Variants in SLC25A48 observed in about 807,000 individuals in gnomAD.
The protein encoded by SLC25A48 is CTC-321K16.1.
SLC25A48 carries 29 observed loss-of-function variants against 32.2 expected under a neutral mutation model. That is an observed-to-expected ratio of 0.90 (90% confidence interval 0.67 to 1.23). The LOEUF is 1.23. Among genes scored for constraint, SLC25A48 ranks in the 50% most tolerant of loss-of-function variants. The probability of loss-of-function intolerance (pLI) is 0.00; values close to 1 mark genes in which losing one functional copy is unlikely to be tolerated. For synonymous variants in SLC25A48, 164 were observed against 172.3 expected (o/e 0.95, Z 0.38); for missense variants, 399 against 422.7 (o/e 0.94, Z 0.49).
chr5:135,735,023 G>A (rs947330514), intron 3 of SLC25A48, among the ~76,000 whole-genome samples: 4 of 152,160 alleles, frequency 2.6e-5, no homozygotes, highest in Non-Finnish European at 5.9e-5. Flanking sequence ...GTGGCTGCCA[G>A]GCGAGTTAGA....
rs539883391 is a variant in SLC25A48, at chr5:135,748,809, C to G, written c.-520-63714C>G. Among the ~76,000 whole-genome samples, 264 of 151,858 alleles carry G rather than the reference C, an allele frequency of 1.7e-3. 1 individual carries two copies. Among genetic ancestry groups the G allele is most frequent in the African/African-American group, 6.2e-3 (255 of 41,324 alleles). On this transcript the variant is annotated intron_variant, in intron 3 of 10. Coordinates refer to the SLC25A48 transcript ENST00000646290. ...TACTGGCTCACTGCAACCTCCGCCT[C>G]CCAGGTTCAAGCGATTCCCCTGCCT...
chr5:135,817,983 G>C (rs539562718), intron 4 of SLC25A48, among the ~76,000 whole-genome samples: 22 of 151,898 alleles, frequency 1.4e-4, no homozygotes, highest in Non-Finnish European at 2.8e-4. Flanking sequence ...TTGTGGAGGA[G>C]AGGCAAGATT....
intron 4 of SLC25A48, among the ~76,000 whole-genome samples, chr5:135,869,123 T>C (rs1037012987): frequency 6.6e-6 from 1 of 152,232 alleles, no homozygotes; most frequent in African/African-American, 2.4e-5. Context: ...GCATTCTTTA[T>C]ACTATTTTGC....
intron 3 of SLC25A48, among the ~76,000 whole-genome samples, chr5:135,808,457 A>ACCTCCCCCCTCACTTCCCTCC (rs1172927380): frequency 6.6e-6 from 1 of 151,610 alleles, no homozygotes; most frequent in Non-Finnish European, 1.5e-5. Flanking sequence ...TTTTTCCCTC[A>ACCTCCCCCCTCACTTCCCTCC]CCTCCCCCCT....
chr5:135,829,446 A>G (rs966954207), intron 4 of SLC25A48, among the ~76,000 whole-genome samples: 6 of 152,130 alleles, frequency 3.9e-5, no homozygotes, highest in African/African-American at 7.2e-5. Context: ...AAAGAAGCAC[A>G]TATGATTTTC....
At chr5:135,803,224 A>G (rs1448482991) in intron 3 of SLC25A48, 2 of 151,232 alleles carry the variant, frequency 1.3e-5, no homozygotes, top group East Asian at 3.9e-4. Flanking sequence ...GTTATTTATA[A>G]TATACTTGGC....
chr5:135,676,135 A>G (rs926254376), intron 3 of SLC25A48, among the ~76,000 whole-genome samples: 2 of 151,878 alleles, frequency 1.3e-5, no homozygotes, highest in African/African-American at 4.8e-5. Context: ...ATAGGATCAT[A>G]TCATCTGTAA....
intron 3 of SLC25A48, among the ~76,000 whole-genome samples, chr5:135,707,994 G>C (rs1180773393): frequency 1.3e-5 from 2 of 152,154 alleles, no homozygotes; most frequent in African/African-American, 4.8e-5. Context: ...CTCAGTGCCT[G>C]GAGCTGAGTG....
At chr5:135,881,335 C>G (rs552713478) in intron 7 of SLC25A48, among the ~76,000 whole-genome samples, 5 of 152,192 alleles carry the variant, frequency 3.3e-5, no homozygotes, top group Admixed American at 2.6e-4. Context: ...ATTCTCGGGA[C>G]GGCAGAGCCC....
intron 3 of SLC25A48, among the ~76,000 whole-genome samples, chr5:135,702,987 C>G (rs903460275): frequency 6.6e-5 from 10 of 152,182 alleles, no homozygotes; most frequent in African/African-American, 2.4e-4. Context: ...TTCATCATCT[C>G]TGACAGCCCC....
At position 135,842,457 on chromosome 5, in the gene SLC25A48, A is replaced by G. The variant is rs753885028; in HGVS notation, c.88A>G (p.Lys30Glu). ...VIVGHPLDTV[K>E]TRLQAGVGYG... ...CGTTGGCCACCCTCTGGACACAGTC[A>G]AGGTACAGTAGCCATGTTTCCCATT... Residue 30 changes from lysine (K) to glutamate (E), a missense_variant and splice_region_variant, in exon 2 of 8, where the codon AAG (lysine) becomes GAG (glutamate). By Grantham distance (56) the Lys-to-Glu change is moderately conservative. Coordinates refer to ENST00000681962, the MANE Select transcript of SLC25A48 (RefSeq NM_001349336.2). 4 of 1,613,632 alleles carry G rather than the reference A, an allele frequency of 2.5e-6. No homozygotes were observed. Among genetic ancestry groups the G allele is most frequent in the Non-Finnish European group, 2.5e-6 (3 of 1,179,540 alleles).
intron 3 of SLC25A48, among the ~76,000 whole-genome samples, chr5:135,734,274 C>A (rs1003104029): frequency 1.3e-5 from 2 of 151,998 alleles, no homozygotes; most frequent in Admixed American, 6.6e-5. Context: ...AGAAGGGTGG[C>A]AATGAGGTGT....
chr5:135,679,985 G>A (rs1753857089), intron 3 of SLC25A48, among the ~76,000 whole-genome samples: 1 of 152,142 alleles, frequency 6.6e-6, no homozygotes, highest in South Asian at 2.1e-4. Context: ...TATCTACAGT[G>A]GGAACGTGGA....
At chr5:135,869,555 C>T (rs1376595832) in intron 4 of SLC25A48, among the ~76,000 whole-genome samples, 4 of 152,174 alleles carry the variant, frequency 2.6e-5, no homozygotes, top group South Asian at 4.1e-4. Flanking sequence ...CACTATTTAC[C>T]CATAGTTGCT....
intron 3 of SLC25A48, among the ~76,000 whole-genome samples, chr5:135,665,115 T>A (rs1441312856): frequency 6.6e-6 from 1 of 152,244 alleles, no homozygotes; most frequent in Non-Finnish European, 1.5e-5. Context: ...TTAATGGCCA[T>A]TCTTGTAAAA....
chr5:135,668,667 TC>T (rs1753579511), intron 3 of SLC25A48, among the ~76,000 whole-genome samples: 6 of 152,152 alleles, frequency 3.9e-5, no homozygotes, highest in Admixed American at 3.9e-4. Flanking sequence ...ACCCAGAACA[TC>T]AATCACAGCT....
chr5:135,846,164 C>T (rs935694851), intron 2 of SLC25A48, among the ~76,000 whole-genome samples: 1 of 152,196 alleles, frequency 6.6e-6, no homozygotes, highest in Non-Finnish European at 1.5e-5. Flanking sequence ...GTTGCCCGCT[C>T]TTTATGAGAA....
At chr5:135,861,327 A>G (rs1760776869) in intron 4 of SLC25A48, among the ~76,000 whole-genome samples, 2 of 152,026 alleles carry the variant, frequency 1.3e-5, no homozygotes, top group Admixed American at 1.3e-4. Context: ...ACACACACAC[A>G]CACACACACA....
At chr5:135,672,495 C>T (rs1474587151) in intron 3 of SLC25A48, among the ~76,000 whole-genome samples, 1 of 152,194 alleles carries the variant, frequency 6.6e-6, no homozygotes, top group African/African-American at 2.4e-5. Flanking sequence ...GACTGCTGCT[C>T]AAACCCATGG....
Sources: gnomAD v4.1 joint callset for allele counts (sites outside exome capture counted in the v4.1 genomes callset) on GRCh38, gnomAD v4.1.1 for gene constraint, MANE v1.5 for transcripts, NCBI Gene and HGNC (gene_info 2026-07-23, HGNC 2026-07-21) for gene names.